The following TMEM132B variants were observed in gnomAD, a reference collection of about 807,000 sequenced individuals.
TMEM132B encodes transmembrane protein 132B.
A neutral mutation model predicts 90.8 loss-of-function variants in TMEM132B; 18 were observed. The ratio of observed to expected loss-of-function variants is 0.20; its 90% CI spans 0.14 to 0.29. TMEM132B has a LOEUF of 0.29. Among genes scored for constraint, TMEM132B ranks in the 10% least tolerant of loss-of-function variants. The probability of loss-of-function intolerance (pLI) is 1.00; values close to 1 mark genes in which losing one functional copy is unlikely to be tolerated. For missense variants in TMEM132B, 1,096 were observed against 1,326.8 expected (o/e 0.83, Z 2.70); for synonymous variants, 504 against 523.3 (o/e 0.96, Z 0.50).
intron 1 of TMEM132B, among the ~76,000 whole-genome samples, chr12:125,319,919 G>A (rs938136709): frequency 2.6e-5 from 4 of 152,228 alleles, no homozygotes; most frequent in Non-Finnish European, 5.9e-5. Flanking sequence ...GGGAGGCTGA[G>A]GTGGGAGGAT....
At chr12:125,594,250 A>G (rs1885387026) in intron 5 of TMEM132B, among the ~76,000 whole-genome samples, 1 of 152,152 alleles carries the variant, frequency 6.6e-6, no homozygotes. Flanking sequence ...ATTCCTTTTT[A>G]TTACTGAGTA....
At position 125,644,478 on chromosome 12, in the gene TMEM132B, G is replaced by GATA. The variant is rs562158781; in HGVS notation, c.1643+210_1643+212dup. Among the ~76,000 whole-genome samples, 786 of 152,110 alleles carry GATA rather than the reference G, an allele frequency of 5.2e-3. 7 individuals carry two copies. Among genetic ancestry groups the GATA allele is most frequent in the African/African-American group, 0.017 (700 of 41,496 alleles). On this transcript the variant is annotated intron_variant, in intron 6 of 8. Transcript: ENST00000682704. ...GACATGAGGAAATTATAATGAAGAT[G>GATA]ATAATAATAATAATAGTAACAACCT...
At chr12:125,515,698 C>T (rs1290441986) in intron 3 of TMEM132B, among the ~76,000 whole-genome samples, 1 of 151,770 alleles carries the variant, frequency 6.6e-6, no homozygotes, top group Non-Finnish European at 1.5e-5. Context: ...CCCTCCCACA[C>T]TCACACAACA....
chr12:125,650,604 C>T (rs915322449), intron 6 of TMEM132B, 79 bp from the exon 7 acceptor site: 1 of 1,527,520 alleles, frequency 6.5e-7, no homozygotes. Context: ...TGTGGGCTCA[C>T]CTAGAATCTG....
chr12:125,500,097 C>G (rs950764757), intron 3 of TMEM132B, among the ~76,000 whole-genome samples: 3 of 152,190 alleles, frequency 2.0e-5, no homozygotes, highest in African/African-American at 7.2e-5. Flanking sequence ...CCAGCTTTCA[C>G]TATCTTGTGT....
intron 4 of TMEM132B, among the ~76,000 whole-genome samples, chr12:125,544,396 A>G (rs1884034786): frequency 6.6e-6 from 1 of 152,182 alleles, no homozygotes; most frequent in African/African-American, 2.4e-5. Flanking sequence ...ACTTGGAATA[A>G]TCACTGCGTC....
chr12:125,367,556 G>T (rs1164414973), intron 2 of TMEM132B, among the ~76,000 whole-genome samples: 3 of 152,096 alleles, frequency 2.0e-5, no homozygotes, highest in African/African-American at 7.2e-5. Flanking sequence ...CAGTCCTGTG[G>T]TTCCCTACCT....
At chr12:125,452,055 G>A (rs909942406) in intron 3 of TMEM132B, among the ~76,000 whole-genome samples, 9 of 152,182 alleles carry the variant, frequency 5.9e-5, no homozygotes, top group South Asian at 2.1e-4. Flanking sequence ...TGAGGTTGTC[G>A]AAAGTTCTTA....
intron 3 of TMEM132B, among the ~76,000 whole-genome samples, chr12:125,450,884 G>A (rs546864470): frequency 6.6e-6 from 1 of 152,282 alleles, no homozygotes; most frequent in South Asian, 2.1e-4. Context: ...ACTTATGTAA[G>A]TATTCCAGCT....
At chr12:125,474,268 CT>C (rs1489141249) in intron 3 of TMEM132B, among the ~76,000 whole-genome samples, 36 of 137,794 alleles carry the variant, frequency 2.6e-4, no homozygotes, top group Non-Finnish European at 4.6e-4. Flanking sequence ...CTCCCCTCCC[CT>C]CCCTCCCCTC....
chr12:125,293,159 T>C (rs2136149475), intron 1 of TMEM132B, among the ~76,000 whole-genome samples: 1 of 152,344 alleles, frequency 6.6e-6, no homozygotes, highest in Non-Finnish European at 1.5e-5. Context: ...GTACAGTCTC[T>C]CCCTGAGACA....
chr12:125,188,199 C>T (rs1307101008), intron 1 of TMEM132B, among the ~76,000 whole-genome samples: 1 of 152,160 alleles, frequency 6.6e-6, no homozygotes, highest in Non-Finnish European at 1.5e-5. Flanking sequence ...CAGCGTTCGG[C>T]TTTGGTTCAG....
At chr12:125,591,020 C>CGT (rs148593950) in intron 5 of TMEM132B, among the ~76,000 whole-genome samples, 7 of 150,642 alleles carry the variant, frequency 4.6e-5, no homozygotes, top group African/African-American at 1.2e-4. Flanking sequence ...TGCACGCCCG[C>CGT]GTGTGTGTGT....
At chr12:125,570,701 T>C (rs1024798251) in intron 4 of TMEM132B, among the ~76,000 whole-genome samples, 1 of 152,168 alleles carries the variant, frequency 6.6e-6, no homozygotes, top group Non-Finnish European at 1.5e-5. Flanking sequence ...TACACAACAG[T>C]GGGATTGAAA....
At chr12:125,603,239 G>A (rs989170800) in intron 5 of TMEM132B, among the ~76,000 whole-genome samples, 2 of 152,156 alleles carry the variant, frequency 1.3e-5, no homozygotes, top group African/African-American at 4.8e-5. Flanking sequence ...AAACAGCATG[G>A]TACTGGTACC....
intron 1 of TMEM132B, among the ~76,000 whole-genome samples, chr12:125,325,028 C>G (rs935977785): frequency 6.6e-6 from 1 of 152,074 alleles, no homozygotes; most frequent in Non-Finnish European, 1.5e-5. Flanking sequence ...AAACAGAGAG[C>G]TCTTCTGGCA....
intron 3 of TMEM132B, among the ~76,000 whole-genome samples, chr12:125,507,351 T>TTAC (rs939024194): frequency 7.2e-5 from 11 of 152,184 alleles, no homozygotes; most frequent in Admixed American, 2.6e-4. Flanking sequence ...CTCACTGGGC[T>TTAC]TACAATCTAG....
intron 4 of TMEM132B, among the ~76,000 whole-genome samples, chr12:125,558,882 A>G (rs1287349398): frequency 6.6e-6 from 1 of 152,128 alleles, no homozygotes; most frequent in Non-Finnish European, 1.5e-5. Flanking sequence ...TGTCTCACCA[A>G]CCTCCCCTAC....
intron 1 of TMEM132B, among the ~76,000 whole-genome samples, chr12:125,276,263 C>T (rs1049155835): frequency 6.6e-6 from 1 of 152,244 alleles, no homozygotes. Flanking sequence ...GTTCTGACCT[C>T]GAAGCGGTCA....
Sources: gnomAD v4.1 joint callset for allele counts (sites outside exome capture counted in the v4.1 genomes callset) on GRCh38, gnomAD v4.1.1 for gene constraint, MANE v1.5 for transcripts, NCBI Gene and HGNC (gene_info 2026-07-23, HGNC 2026-07-21) for gene names.